The following NEO1 variants were observed in gnomAD, a reference collection of about 807,000 sequenced individuals.
NEO1 encodes neogenin.
In NEO1, 63 loss-of-function variants were observed where a neutral mutation model predicts 159.7. The observed-to-expected ratio is 0.39, with a 90% CI of 0.32 to 0.49. The LOEUF is 0.49. Ranked by LOEUF, NEO1 falls within the 20% of genes least tolerant of loss-of-function variation. The pLI, the probability that NEO1 is intolerant of heterozygous loss-of-function variation, is 0.85. For synonymous variants in NEO1, 633 were observed against 662.0 expected (o/e 0.96, Z 0.67); for missense variants, 1,615 against 1,831.0 (o/e 0.88, Z 2.15).
At chr15:73,091,738 C>CTTTTT in intron 1 of NEO1, among the ~76,000 whole-genome samples, 1 of 127,428 alleles carries the variant, frequency 7.8e-6, no homozygotes, top group South Asian at 2.6e-4. Context: ...TAATTTTACA[C>CTTTTT]TTTTTTTTTT....
intron 6 of NEO1, 40 bp from the exon 7 acceptor site, chr15:73,178,267 A>G: frequency 1.3e-6 from 2 of 1,574,820 alleles, no homozygotes; most frequent in Non-Finnish European, 1.7e-6. Flanking sequence ...GGTATTTATC[A>G]ATTAAATTAT....
chr15:73,282,157 G>A (rs2041750266), intron 22 of NEO1, among the ~76,000 whole-genome samples: 1 of 152,160 alleles, frequency 6.6e-6, no homozygotes, highest in African/African-American at 2.4e-5. Context: ...ACTCAGATCT[G>A]AACTCAAATG....
chr15:73,259,153 G>C, intron 14 of NEO1: 2 of 269,790 alleles, frequency 7.4e-6, no homozygotes, highest in South Asian at 1.4e-4. Context: ...TAAGTAGATG[G>C]ATGATCTAAA....
chr15:73,267,384 ATTTT>A (rs943835730), intron 16 of NEO1, among the ~76,000 whole-genome samples: 2 of 152,026 alleles, frequency 1.3e-5, no homozygotes, highest in Non-Finnish European at 2.9e-5. Flanking sequence ...AGAGTTATAA[ATTTT>A]TTTTCTTTTT....
intron 7 of NEO1, among the ~76,000 whole-genome samples, chr15:73,216,972 G>A (rs1388495264): frequency 6.6e-6 from 1 of 151,750 alleles, no homozygotes; most frequent in Non-Finnish European, 1.5e-5. Context: ...TGTTGCCATT[G>A]CTTTTGGTGT....
At chr15:73,225,455 A>T (rs1596396679) in intron 7 of NEO1, among the ~76,000 whole-genome samples, 1 of 151,096 alleles carries the variant, frequency 6.6e-6, no homozygotes, top group Non-Finnish European at 1.5e-5. Flanking sequence ...CTGAGCTCAG[A>T]CTCTCCTTGG....
chr15:73,269,700 T>A lies in NEO1; in HGVS notation c.2495-310T>A, dbSNP rs192454106. ...AACAGGAAGTAGAATTTTCAAGTTATTTTAAGAAAATTCAAGCACGAATAC... is the reference window on the plus strand; with the variant it reads ...AACAGGAAGTAGAATTTTCAAGTTAATTTAAGAAAATTCAAGCACGAATAC... On this transcript the variant is annotated intron_variant, in intron 16 of 28. Coordinates refer to ENST00000261908, the MANE Select transcript of NEO1 (RefSeq NM_002499.4). Among the ~76,000 whole-genome samples, 213 of 152,300 alleles carry A rather than the reference T, an allele frequency of 1.4e-3. 1 individual carries two copies. The highest frequency in any genetic ancestry group is 3.4e-3 in the Admixed American group (52 of 15,290).
chr15:73,281,869 CAGTA>C (rs2041733903), intron 22 of NEO1, among the ~76,000 whole-genome samples: 1 of 152,164 alleles, frequency 6.6e-6, no homozygotes, highest in South Asian at 2.1e-4. Flanking sequence ...AAATGGAAGA[CAGTA>C]AGACTTAGAG....
chr15:73,292,498 TCTCAGA>T (rs963595290), intron 25 of NEO1, among the ~76,000 whole-genome samples: 3 of 152,220 alleles, frequency 2.0e-5, no homozygotes, highest in African/African-American at 7.2e-5. Flanking sequence ...AAAAGTTTAT[TCTCAGA>T]CTCTGGGCTT....
intron 5 of NEO1, among the ~76,000 whole-genome samples, chr15:73,159,894 T>C (rs1008378765): frequency 1.3e-5 from 2 of 152,222 alleles, no homozygotes; most frequent in Non-Finnish European, 2.9e-5. Context: ...CACCAATATA[T>C]ATAAGACTGC....
At chr15:73,123,486 A>G (rs1250975443) in intron 3 of NEO1, among the ~76,000 whole-genome samples, 2 of 152,200 alleles carry the variant, frequency 1.3e-5, no homozygotes, top group African/African-American at 4.8e-5. Flanking sequence ...AAGTGTTAAC[A>G]TGGTGGCTCT....
intron 16 of NEO1, among the ~76,000 whole-genome samples, chr15:73,268,658 G>A (rs1369088951): frequency 6.6e-6 from 1 of 152,190 alleles, no homozygotes; most frequent in Admixed American, 6.5e-5. Flanking sequence ...TAGTCACCAT[G>A]ACTATGTGAG....
intron 1 of NEO1, among the ~76,000 whole-genome samples, chr15:73,092,000 C>A (rs987232352): frequency 6.6e-6 from 1 of 152,004 alleles, no homozygotes; most frequent in African/African-American, 2.4e-5. Context: ...TTTGTGATTA[C>A]CGAATAAAAG....
chr15:73,183,589 A>G (rs1343099590), intron 7 of NEO1, among the ~76,000 whole-genome samples: 1 of 152,194 alleles, frequency 6.6e-6, no homozygotes, highest in Non-Finnish European at 1.5e-5. Context: ...TTTGACTGCC[A>G]CAGGAAGAAG....
At chr15:73,302,476 AGC>A in intron 28 of NEO1, 135 bp from the exon 29 acceptor site, 1 of 692,930 alleles carries the variant, frequency 1.4e-6, no homozygotes, top group Admixed American at 2.5e-5. Context: ...CACTCTTCTG[AGC>A]CACCCTGCGT....
At chr15:73,185,351 A>G (rs1021365290) in intron 7 of NEO1, among the ~76,000 whole-genome samples, 1 of 152,214 alleles carries the variant, frequency 6.6e-6, no homozygotes, top group Admixed American at 6.5e-5. Context: ...GGGGATGTTG[A>G]TAATGGGGGA....
At chr15:73,146,720 T>C (rs866850134) in intron 5 of NEO1, among the ~76,000 whole-genome samples, 2 of 152,208 alleles carry the variant, frequency 1.3e-5, no homozygotes, top group Non-Finnish European at 2.9e-5. Flanking sequence ...GAAATATCCA[T>C]GTGAAATAAA....
At chr15:73,158,402 T>C (rs967454065) in intron 5 of NEO1, among the ~76,000 whole-genome samples, 9 of 151,938 alleles carry the variant, frequency 5.9e-5, no homozygotes, top group African/African-American at 2.2e-4. Flanking sequence ...TGTATATTAT[T>C]ATTACCATTT....
intron 3 of NEO1, among the ~76,000 whole-genome samples, chr15:73,124,045 C>T (rs890735411): frequency 6.6e-6 from 1 of 151,878 alleles, no homozygotes; most frequent in Non-Finnish European, 1.5e-5. Flanking sequence ...TGTGTGTGAG[C>T]GCCTGTGCAC....
Sources: allele counts gnomAD v4.1 joint callset (sites outside exome capture counted in the v4.1 genomes callset), GRCh38; gene constraint gnomAD v4.1.1; transcripts MANE v1.5; gene names NCBI Gene and HGNC (gene_info 2026-07-23, HGNC 2026-07-21).